Variants in LRIF1 observed in about 807,000 individuals in gnomAD.
The protein encoded by LRIF1 is ligand-dependent nuclear receptor-interacting factor 1.
A neutral mutation model predicts 52.7 loss-of-function variants in LRIF1; 32 were observed. That is an observed-to-expected ratio of 0.61 (90% CI 0.46 to 0.82). LRIF1 has a LOEUF of 0.82. Among genes scored for constraint, LRIF1 ranks in the 40% least tolerant of loss-of-function variants. The pLI, the probability that LRIF1 is intolerant of heterozygous loss-of-function variation, is 0.00. For missense variants in LRIF1, 887 were observed against 892.0 expected (o/e 0.99, Z 0.07); for synonymous variants, 323 against 317.4 (o/e 1.02, Z -0.19).
At position 110,951,157 on chromosome 1, in the gene LRIF1, A is replaced by G. The variant is rs149677596; in HGVS notation, c.1596+131T>C. 8.8e-4 allele frequency: 626 copies of G among 712,550 alleles called. 1 individual carries two copies. In the African/African-American group the frequency reaches 9.9e-3, roughly 11 times the overall value. The allele number at this position is 712,550 out of a possible 1,614,324, so 44.1% of individuals were successfully genotyped here. On this transcript the variant is annotated intron_variant, in intron 2 of 3. Coordinates refer to ENST00000369763, the MANE Select transcript of LRIF1 (RefSeq NM_018372.4). ...GATGGAAGTTTTGACTTAAATACTCATATGTGTATAGTCTGTGTGTGATGG... is the reference window on the plus strand; with the variant it reads ...GATGGAAGTTTTGACTTAAATACTCGTATGTGTATAGTCTGTGTGTGATGG...
At chr1:110,906,662 G>A in the LRIF1 span, among the ~76,000 whole-genome samples, 15 of 152,086 alleles carry the variant, frequency 9.9e-5, no homozygotes, top group Admixed American at 7.9e-4. Context: ...CTAAAGAAGA[G>A]AGCTATATCC....
At chr1:110,946,042 T>C (rs530467310), downstream of LRIF1, among the ~76,000 whole-genome samples, 1 of 152,320 alleles carries the variant, frequency 6.6e-6, no homozygotes, top group South Asian at 2.1e-4. Context: ...AAAAACCTTG[T>C]ACACAAATAT....
the LRIF1 span, among the ~76,000 whole-genome samples, chr1:110,926,053 A>G: frequency 7.9e-5 from 12 of 152,188 alleles, no homozygotes; most frequent in African/African-American, 2.7e-4. Context: ...GATGGAAAAG[A>G]TTGGTAAAAA....
Position 110,952,151 on chromosome 1 carries a change from T to C in LRIF1, c.733A>G (p.Asn245Asp), listed in dbSNP as rs1195744147. The part of the protein sequence containing the change: ...VNTVKNVVTK[N>D]FQNIYPKPVT... The stretch of plus-strand genomic sequence containing the variant: ...GGTTTTGGGTAAATGTTTTGAAAGT[T>C]CTTGGTAACTACATTTTTCACTGTA... The change falls in exon 2 of 4, where the codon AAC becomes GAC. Residue 245 changes from asparagine to aspartate, a missense_variant. Physicochemically the swap from Asn to Asp is conservative, Grantham distance 23. Transcript: ENST00000369763. 6.2e-7 allele frequency: 1 copy of C among 1,614,214 alleles called. No homozygotes were observed. Among genetic ancestry groups the C allele is most frequent in the East Asian group, 2.2e-5 (1 of 44,890 alleles).
Position 110,951,653 on chromosome 1 carries a change from C to T in LRIF1, c.1231G>A (p.Val411Ile), listed in dbSNP as rs1223135100. 1.2e-6 allele frequency: 2 copies of T among 1,614,054 alleles called. No individual in the cohort carries two copies. Among genetic ancestry groups the T allele is most frequent in the Admixed American group, 3.3e-5 (2 of 60,020 alleles). The change falls in exon 2 of 4, where the codon GTT (valine) becomes ATT (isoleucine). Residue 411 changes from valine (V) to isoleucine (I), a missense_variant. Physicochemically the swap from Val to Ile is conservative, Grantham distance 29 (BLOSUM62 3). Coordinates refer to ENST00000369763, the MANE Select transcript of LRIF1 (RefSeq NM_018372.4). ...SSPVTEISRE[V>I]VNIVLAKSKS... is the part of the protein sequence containing the mutation. ...CTTTTAGCCAAAACAATATTTACAA[C>T]CTCTCTGGATATTTCTGTGACTGGA...
At chr1:110,954,864 T>C (rs1360532285) in intron 1 of LRIF1, among the ~76,000 whole-genome samples, 6 of 152,214 alleles carry the variant, frequency 3.9e-5, no homozygotes, top group African/African-American at 1.4e-4. Context: ...CTTTGCCAAC[T>C]CATACTTTTG....
At chr1:110,929,980 A>C in the LRIF1 span, among the ~76,000 whole-genome samples, 1 of 152,176 alleles carries the variant, frequency 6.6e-6, no homozygotes, top group Non-Finnish European at 1.5e-5. Context: ...CCATATAATA[A>C]AGCTGTACAT....
At chr1:110,896,600 T>C in the LRIF1 span, 2 of 1,560,616 alleles carry the variant, frequency 1.3e-6, no homozygotes, top group Non-Finnish European at 1.8e-6. Flanking sequence ...GTCCACAGCT[T>C]TTTTTCACTG....
chr1:110,875,696 C>A, the LRIF1 span, among the ~76,000 whole-genome samples: 1 of 152,134 alleles, frequency 6.6e-6, no homozygotes, highest in East Asian at 1.9e-4. Context: ...GTGCAGGGCA[C>A]TGAAGCAAAG....
the LRIF1 span, among the ~76,000 whole-genome samples, chr1:110,879,766 C>G: frequency 6.1e-4 from 93 of 151,956 alleles, 2 homozygotes; most frequent in Admixed American, 6.0e-3. Flanking sequence ...CAGGGTCTCT[C>G]TATGTTGTTC....
the LRIF1 span, among the ~76,000 whole-genome samples, chr1:110,925,148 T>C: frequency 6.6e-6 from 1 of 152,224 alleles, no homozygotes; most frequent in Non-Finnish European, 1.5e-5. Flanking sequence ...TTTTTATAAA[T>C]GGGATTAACA....
chr1:110,948,279 G>A lies in LRIF1; in HGVS notation c.1990C>T (p.Gln664Ter), dbSNP rs1422257666. 6.2e-7 allele frequency: 1 copy of A among 1,613,914 alleles called. No individual in the cohort carries two copies. The highest frequency in any genetic ancestry group is 1.3e-5 in the African/African-American group (1 of 74,900). Residue 664 changes from glutamine to a stop codon, truncating the protein, a stop_gained, in exon 4 of 4, where the codon CAA becomes TAA. Coordinates refer to ENST00000369763, the MANE Select transcript of LRIF1 (RefSeq NM_018372.4). LOFTEE classifies it high-confidence loss of function. The part of the protein sequence containing the change: ...INGEANVTGS[Q>*]LLSSILPTSD... ...GTTGGTAAAATACTGCTTAGGAGTTGGGAACCGGTGACATTAGCTTCCCCA... is the reference window on the plus strand; with the variant it reads ...GTTGGTAAAATACTGCTTAGGAGTTAGGAACCGGTGACATTAGCTTCCCCA...
intron 1 of LRIF1, among the ~76,000 whole-genome samples, chr1:110,960,885 C>G (rs373203405): frequency 2.6e-5 from 4 of 152,302 alleles, no homozygotes; most frequent in African/African-American, 9.6e-5. Flanking sequence ...CAAATCCAGA[C>G]TGCCAACGTT....
chr1:110,910,588 G>A, the LRIF1 span, among the ~76,000 whole-genome samples: 1 of 152,136 alleles, frequency 6.6e-6, no homozygotes, highest in Non-Finnish European at 1.5e-5. Context: ...GCAACAGAGT[G>A]AGACTCTGTC....
chr1:110,904,007 TGTG>T, the LRIF1 span, among the ~76,000 whole-genome samples: 1 of 152,152 alleles, frequency 6.6e-6, no homozygotes, highest in African/African-American at 2.4e-5. Context: ...CCCTATGGCT[TGTG>T]GTGGTAGTGG....
chr1:110,893,415 C>T, the LRIF1 span, among the ~76,000 whole-genome samples: 27 of 152,276 alleles, frequency 1.8e-4, no homozygotes, highest in African/African-American at 5.1e-4. Context: ...CTCCGCCTCC[C>T]GGGTTCAAGC....
intron 3 of LRIF1, among the ~76,000 whole-genome samples, chr1:110,948,913 C>T (rs1658332142): frequency 6.6e-6 from 1 of 152,034 alleles, no homozygotes; most frequent in Non-Finnish European, 1.5e-5. Flanking sequence ...AGAACATATG[C>T]ATGCTTATAT....
At chr1:110,892,428 C>G in the LRIF1 span, 1 of 1,613,960 alleles carries the variant, frequency 6.2e-7, no homozygotes, top group South Asian at 1.1e-5. Context: ...ACCTCCCCTC[C>G]CTCACGCTGG....
chr1:110,948,089 T>C lies in LRIF1; in HGVS notation c.2180A>G (p.Asp727Gly). Residue 727 changes from aspartate (D) to glycine (G), a missense_variant, in exon 4 of 4, where the codon GAT becomes GGT. Transcript: ENST00000369763. The part of the protein sequence containing the change: ...SHFFNKNYTE[D>G]IFPVTPPELE... Reference sequence around the variant, plus strand: ...CTCCGGTGGTGTCACTGGGAAAATATCTTCGGTATAATTTTTATTGAAGAA... The same window carrying C: ...CTCCGGTGGTGTCACTGGGAAAATACCTTCGGTATAATTTTTATTGAAGAA... The C allele has an allele frequency of 6.2e-7, 1 of 1,614,084 alleles. No individual in the cohort carries two copies. The highest frequency in any genetic ancestry group is 2.2e-5 in the East Asian group (1 of 44,870).
Sources: gnomAD v4.1 joint callset for allele counts (sites outside exome capture counted in the v4.1 genomes callset) on GRCh38, gnomAD v4.1.1 for gene constraint, MANE v1.5 for transcripts, NCBI Gene and HGNC (gene_info 2026-07-23, HGNC 2026-07-21) for gene names.